Variants in SBSPON observed in about 807,000 individuals in gnomAD.
SBSPON encodes the protein somatomedin-B and thrombospondin type-1 domain-containing protein.
SBSPON carries 30 observed loss-of-function variants against 35.8 expected under a neutral mutation model. The observed-to-expected ratio is 0.84, with a 90% CI of 0.63 to 1.14. The LOEUF (loss-of-function observed/expected upper bound fraction) is 1.14. Ranked by LOEUF, SBSPON falls within the 50% of genes most tolerant of loss-of-function variation. The pLI is 0.00. For missense variants in SBSPON, 364 were observed against 357.7 expected (o/e 1.02, Z -0.14); for synonymous variants, 136 against 135.9 (o/e 1.00, Z 0.00).
At chr8:73,085,016 T>G (rs1270407195) in intron 1 of SBSPON, among the ~76,000 whole-genome samples, 1 of 152,156 alleles carries the variant, frequency 6.6e-6, no homozygotes, top group African/African-American at 2.4e-5. Context: ...CTAGATAATG[T>G]TCTACATTGA....
At chr8:73,086,900 C>A (rs1810838309) in intron 1 of SBSPON, among the ~76,000 whole-genome samples, 1 of 152,138 alleles carries the variant, frequency 6.6e-6, no homozygotes, top group African/African-American at 2.4e-5. Flanking sequence ...GAAAGAAAAT[C>A]TTTTATAGAG....
chr8:73,064,737 T>C lies in SBSPON; in HGVS notation c.*2604A>G, dbSNP rs1368962164. ...GAATACTGTGATTATAGTTACCTTATTCCTTTTTCTATTCTTTTTTTCCTT... is the reference window on the plus strand; with the variant it reads ...GAATACTGTGATTATAGTTACCTTACTCCTTTTTCTATTCTTTTTTTCCTT... On this transcript the variant is annotated 3_prime_UTR_variant, in exon 5 of 5. Coordinates refer to ENST00000297354, the MANE Select transcript of SBSPON (RefSeq NM_153225.4). The C allele has an allele frequency of 2.6e-5, 4 of 152,110 alleles. No individual in the cohort carries two copies. The highest frequency in any genetic ancestry group is 9.7e-5 in the African/African-American group (4 of 41,422). The allele number at this position is 152,110 out of a possible 1,614,324, so 9.4% of individuals were successfully genotyped here.
At chr8:73,077,371 G>A (rs185484072) in intron 2 of SBSPON, among the ~76,000 whole-genome samples, 9 of 152,374 alleles carry the variant, frequency 5.9e-5, no homozygotes, top group Middle Eastern at 3.4e-3. Context: ...CCTCAAAGGC[G>A]CCTGATCTGC....
chr8:73,068,737 C>T (rs923118184), intron 4 of SBSPON, among the ~76,000 whole-genome samples: 1 of 152,178 alleles, frequency 6.6e-6, no homozygotes, highest in African/African-American at 2.4e-5. Context: ...AGCAACAGTT[C>T]TGAAACTTCA....
intron 1 of SBSPON, among the ~76,000 whole-genome samples, chr8:73,090,325 A>T (rs1358262301): frequency 1.4e-5 from 2 of 144,864 alleles, no homozygotes; most frequent in East Asian, 3.9e-4. Flanking sequence ...TTCTGGGATT[A>T]AAAAAAATCA....
intron 1 of SBSPON, among the ~76,000 whole-genome samples, chr8:73,086,148 A>G (rs1810820527): frequency 6.6e-6 from 1 of 151,806 alleles, no homozygotes; most frequent in African/African-American, 2.4e-5. Context: ...AAATTTAAAT[A>G]TATATCATCT....
chr8:73,071,447 A>G (rs1439107179), intron 3 of SBSPON, among the ~76,000 whole-genome samples: 1 of 152,174 alleles, frequency 6.6e-6, no homozygotes, highest in Non-Finnish European at 1.5e-5. Context: ...AAATTCACCA[A>G]ACAGAGGTGG....
intron 2 of SBSPON, among the ~76,000 whole-genome samples, chr8:73,075,420 A>G (rs1464104726): frequency 6.6e-6 from 1 of 152,156 alleles, no homozygotes; most frequent in African/African-American, 2.4e-5. Flanking sequence ...CTTAGAAATT[A>G]TTTTTGCCTC....
At chr8:73,076,383 G>C (rs1810595102) in intron 2 of SBSPON, among the ~76,000 whole-genome samples, 1 of 152,170 alleles carries the variant, frequency 6.6e-6, no homozygotes, top group Non-Finnish European at 1.5e-5. Flanking sequence ...CCTTAAAATA[G>C]GAAGCATAGC....
chr8:73,067,296 A>G lies in SBSPON; in HGVS notation c.*45T>C. On this transcript the variant is annotated 3_prime_UTR_variant, in exon 5 of 5. Coordinates refer to ENST00000297354, the MANE Select transcript of SBSPON (RefSeq NM_153225.4). Reference sequence around the variant, plus strand: ...GAAACATTGAACATGACTTGAGAATATTTAGAATGTTTACAAATGCATTTG... The same window carrying G: ...GAAACATTGAACATGACTTGAGAATGTTTAGAATGTTTACAAATGCATTTG... 1.7e-6 allele frequency: 2 copies of G among 1,159,040 alleles called. No individual in the cohort carries two copies. The highest frequency in any genetic ancestry group is 2.6e-6 in the Non-Finnish European group (2 of 769,194). 71.8% of individuals were successfully genotyped at this position (1,159,040 alleles called of 1,614,324 possible).
At position 73,065,151 on chromosome 8, in the gene SBSPON, CAAGAA is replaced by C. The variant is rs890928455; in HGVS notation, c.*2185_*2189del. The C allele has an allele frequency of 6.6e-6, 1 of 152,074 alleles. No individual in the cohort carries two copies. Among genetic ancestry groups the C allele is most frequent in the Non-Finnish European group, 1.5e-5 (1 of 68,012 alleles). 9.4% of individuals were successfully genotyped at this position (152,074 alleles called of 1,614,324 possible). Reference sequence around the variant, plus strand: ...ACTCCTCTAGCCCATAAAATTTTCTCAAGAATAGAAATAACAAAAATTTAACTTCA... The same window carrying C: ...ACTCCTCTAGCCCATAAAATTTTCTCTAGAAATAACAAAAATTTAACTTCA... On this transcript the variant is annotated 3_prime_UTR_variant, in exon 5 of 5. Transcript: ENST00000297354.
chr8:73,067,344 T>C lies in SBSPON; in HGVS notation c.792A>G (p.Ile264Met). Residue 264 changes from isoleucine (I) to methionine (M), a missense_variant, in exon 5 of 5, where the codon ATA (isoleucine) becomes ATG (methionine). Coordinates refer to ENST00000297354, the MANE Select transcript of SBSPON (RefSeq NM_153225.4). ...SCPAVHSFIF[I>M] Reference sequence around the variant, plus strand: ...TTGGAAATATTTATATCACCATCTATATAAAAATAAAACTGTGAACAGCTG... The same window carrying C: ...TTGGAAATATTTATATCACCATCTACATAAAAATAAAACTGTGAACAGCTG... The C allele has an allele frequency of 6.6e-7, 1 of 1,510,812 alleles. No individual in the cohort carries two copies. The highest frequency in any genetic ancestry group is 1.7e-5 in the Admixed American group (1 of 59,758). The allele number at this position is 1,510,812 out of a possible 1,614,324, so 93.6% of individuals were successfully genotyped here.
intron 1 of SBSPON, among the ~76,000 whole-genome samples, chr8:73,091,717 T>G (rs73687092): frequency 0.016 from 2,435 of 152,302 alleles, 43 homozygotes; most frequent in African/African-American, 0.055. Flanking sequence ...TTATCAAAAA[T>G]AATATCAATA....
rs558248624 is a variant in SBSPON at position 73,080,468 on chromosome 8, T to C, written c.409+551A>G. ...AGGCAGAGCTTGCAGTGAGCCGAGATCATGCCACTGCCCTCCAGCCTGGGT... is the reference window on the plus strand; with the variant it reads ...AGGCAGAGCTTGCAGTGAGCCGAGACCATGCCACTGCCCTCCAGCCTGGGT... On this transcript the variant is annotated intron_variant, in intron 2 of 4. Coordinates refer to ENST00000297354, the MANE Select transcript of SBSPON (RefSeq NM_153225.4). Among the ~76,000 whole-genome samples the C allele has an allele frequency of 1.7e-3, 252 of 152,236 alleles. 3 individuals are homozygous for C. Among genetic ancestry groups the C allele is most frequent in the African/African-American group, 5.8e-3 (243 of 41,544 alleles).
chr8:73,071,876 A>C lies in SBSPON; in HGVS notation c.410-6T>G, dbSNP rs1178955054. 1.9e-6 allele frequency: 3 copies of C among 1,590,746 alleles called. No individual in the cohort carries two copies. Among genetic ancestry groups the C allele is most frequent in the South Asian group, 2.2e-5 (2 of 90,464 alleles). On this transcript the variant is annotated splice_region_variant and splice_polypyrimidine_tract_variant and intron_variant, in intron 2 of 4. Coordinates refer to ENST00000297354, the MANE Select transcript of SBSPON (RefSeq NM_153225.4). The stretch of plus-strand genomic sequence containing the variant: ...GGTAGTTATAAAGGCAGGAACTGGA[A>C]AAGGGAGATTTCTGTTGAATTCAGG...
At chr8:73,079,080 A>T (rs965272451) in intron 2 of SBSPON, among the ~76,000 whole-genome samples, 3 of 152,048 alleles carry the variant, frequency 2.0e-5, no homozygotes, top group African/African-American at 4.8e-5. Flanking sequence ...CAAAACTCAA[A>T]TTTTTTATAC....
rs12680356 is a variant in SBSPON at position 73,075,141 on chromosome 8, C to T, written c.410-3271G>A. ...CCTTCTGCCTTGGCTTCCCAAAGTGCTAGGATTACAGGCATCTGCCACCAA... is the reference window on the plus strand; with the variant it reads ...CCTTCTGCCTTGGCTTCCCAAAGTGTTAGGATTACAGGCATCTGCCACCAA... On this transcript the variant is annotated intron_variant, in intron 2 of 4. Transcript: ENST00000297354. 3.3e-5 allele frequency among the ~76,000 whole-genome samples: 5 copies of T among 152,300 alleles called. No homozygotes were observed. In the East Asian group the frequency reaches 9.7e-4, roughly 29 times the overall value.
intron 1 of SBSPON, among the ~76,000 whole-genome samples, chr8:73,088,375 A>G (rs1053239970): frequency 1.2e-4 from 19 of 152,200 alleles, no homozygotes; most frequent in Admixed American, 9.8e-4. Flanking sequence ...AACAATAGGT[A>G]AAATAATGGG....
rs977555989 is a variant in SBSPON, at chr8:73,065,267, T to C, written c.*2074A>G. 2 of 152,180 alleles carry C rather than the reference T, an allele frequency of 1.3e-5. No homozygotes were observed. The highest frequency in any genetic ancestry group is 4.8e-5 in the African/African-American group (2 of 41,432). 9.4% of individuals were successfully genotyped at this position (152,180 alleles called of 1,614,324 possible). A position where few individuals can be genotyped will look rare whatever the true frequency, so the allele number is the denominator to read the frequency against. On this transcript the variant is annotated 3_prime_UTR_variant, in exon 5 of 5. Coordinates refer to ENST00000297354, the MANE Select transcript of SBSPON (RefSeq NM_153225.4). ...TTATACACCTCAATTATGTTAAATGTTATAACACATATCGGAACTATAAAA... is the reference window on the plus strand; with the variant it reads ...TTATACACCTCAATTATGTTAAATGCTATAACACATATCGGAACTATAAAA...
Sources: gnomAD v4.1 joint callset for allele counts (sites outside exome capture counted in the v4.1 genomes callset) on GRCh38, gnomAD v4.1.1 for gene constraint, MANE v1.5 for transcripts, NCBI Gene and HGNC (gene_info 2026-07-23, HGNC 2026-07-21) for gene names.